The following CRACD variants were observed in gnomAD, a reference collection of about 807,000 sequenced individuals.
CRACD encodes capping protein inhibiting regulator of actin dynamics.
CRACD carries 56 observed loss-of-function variants against 106.8 expected under a neutral mutation model. The ratio of observed to expected loss-of-function variants is 0.52; its 90% CI spans 0.42 to 0.66. CRACD has a LOEUF of 0.66. CRACD is among the 30% of genes least tolerant of loss of function. The probability of loss-of-function intolerance (pLI) is 0.00; values close to 1 mark genes in which losing one functional copy is unlikely to be tolerated. For missense variants in CRACD, 1,730 were observed against 1,623.2 expected (o/e 1.07, Z -1.13); for synonymous variants, 754 against 670.8 (o/e 1.12, Z -1.92).
At chr4:56,118,428 A>T (rs1175244222) in intron 1 of CRACD, among the ~76,000 whole-genome samples, 5 of 152,230 alleles carry the variant, frequency 3.3e-5, no homozygotes, top group Non-Finnish European at 7.3e-5. Context: ...GAAGGAACAG[A>T]CTGACATACT....
intron 10 of CRACD, among the ~76,000 whole-genome samples, chr4:56,324,831 C>A (rs537701421): frequency 1.3e-5 from 2 of 152,242 alleles, no homozygotes; most frequent in Admixed American, 1.3e-4. Flanking sequence ...GAGATAATAT[C>A]AAGACTGAGC....
chr4:56,243,330 G>C (rs868286238), intron 2 of CRACD, among the ~76,000 whole-genome samples: 5 of 152,304 alleles, frequency 3.3e-5, no homozygotes, highest in Middle Eastern at 3.4e-3. Context: ...CAAAGATCAA[G>C]GCCTTAGGGG....
Position 56,330,434 on chromosome 4 carries a change from CA to C in CRACD, c.*2631del, listed in dbSNP as rs1250609119. Among the ~76,000 whole-genome samples the C allele has an allele frequency of 1.3e-5, 2 of 151,996 alleles. No homozygotes were observed. Among genetic ancestry groups the C allele is most frequent in the Non-Finnish European group, 2.9e-5 (2 of 67,988 alleles). ...TTTAGTTTAATTGCTTATTTTAAAG[CA>C]GAAACATTAGTTACAAGTGTCTTAC... On this transcript the variant is annotated 3_prime_UTR_variant, in exon 11 of 11. Coordinates refer to ENST00000682029, the MANE Select transcript of CRACD (RefSeq NM_001393381.1).
intron 1 of CRACD, among the ~76,000 whole-genome samples, chr4:56,139,594 G>C (rs565666339): frequency 1.3e-5 from 2 of 152,204 alleles, no homozygotes; most frequent in Non-Finnish European, 2.9e-5. Context: ...TTGTGTCATG[G>C]CATCTGAATC....
At chr4:56,130,636 G>T (rs1734794406) in intron 1 of CRACD, among the ~76,000 whole-genome samples, 1 of 152,076 alleles carries the variant, frequency 6.6e-6, no homozygotes, top group African/African-American at 2.4e-5. Context: ...AAAAGGCTTT[G>T]CATTCCAGCT....
At chr4:56,133,218 G>A (rs1397149946) in intron 1 of CRACD, among the ~76,000 whole-genome samples, 1 of 152,202 alleles carries the variant, frequency 6.6e-6, no homozygotes, top group East Asian at 1.9e-4. Context: ...GATGCAAATT[G>A]TGTTTTATTT....
chr4:56,283,699 C>T (rs1263492717), intron 3 of CRACD, among the ~76,000 whole-genome samples: 1 of 152,182 alleles, frequency 6.6e-6, no homozygotes, highest in Non-Finnish European at 1.5e-5. Flanking sequence ...CTCTAGAGCT[C>T]TCCTACCTAA....
intron 2 of CRACD, among the ~76,000 whole-genome samples, chr4:56,257,865 A>G (rs1012974027): frequency 6.6e-6 from 1 of 151,992 alleles, no homozygotes; most frequent in African/African-American, 2.4e-5. Flanking sequence ...AGGTCAAGAG[A>G]TTGAGACCAT....
At chr4:56,222,596 A>AT (rs960303483) in intron 2 of CRACD, among the ~76,000 whole-genome samples, 2 of 152,216 alleles carry the variant, frequency 1.3e-5, no homozygotes, top group African/African-American at 4.8e-5. Context: ...AATTCACTTT[A>AT]TGCCTTTTTT....
intron 1 of CRACD, among the ~76,000 whole-genome samples, chr4:56,085,339 C>G (rs530631003): frequency 1.3e-5 from 2 of 152,184 alleles, no homozygotes; most frequent in South Asian, 4.2e-4. Context: ...TAAGGAAGAC[C>G]TAAAGTCTCC....
chr4:56,157,222 C>A (rs1217712757), intron 1 of CRACD, among the ~76,000 whole-genome samples: 1 of 152,158 alleles, frequency 6.6e-6, no homozygotes, highest in African/African-American at 2.4e-5. Flanking sequence ...AATCCCAGCA[C>A]TTTGGGAGGC....
intron 1 of CRACD, among the ~76,000 whole-genome samples, chr4:56,133,534 A>G (rs983592972): frequency 1.3e-5 from 2 of 152,230 alleles, no homozygotes; most frequent in African/African-American, 4.8e-5. Flanking sequence ...ACTCAGTTCA[A>G]CAATATTTAC....
intron 2 of CRACD, among the ~76,000 whole-genome samples, chr4:56,199,646 C>T (rs1484562880): frequency 2.1e-5 from 3 of 142,018 alleles, no homozygotes; most frequent in African/African-American, 7.9e-5. Context: ...GGTGCCACTG[C>T]ACTCCAGCCT....
At chr4:56,201,217 A>T (rs1472585827) in intron 2 of CRACD, among the ~76,000 whole-genome samples, 1 of 152,218 alleles carries the variant, frequency 6.6e-6, no homozygotes. Context: ...TGTACACATG[A>T]AAATATTAAA....
At chr4:56,051,508 G>A (rs755650458) in intron 1 of CRACD, among the ~76,000 whole-genome samples, 5 of 152,180 alleles carry the variant, frequency 3.3e-5, no homozygotes, top group Non-Finnish European at 7.3e-5. Context: ...GGCCTGTGGG[G>A]AGGCAGGGCA....
chr4:56,288,354 A>G, intron 3 of CRACD: 1 of 268,690 alleles, frequency 3.7e-6, no homozygotes, highest in East Asian at 9.5e-5. Context: ...ATAGTGACGA[A>G]AGTACCCAAT....
chr4:56,061,643 A>G (rs1732281687), intron 1 of CRACD, among the ~76,000 whole-genome samples: 1 of 152,124 alleles, frequency 6.6e-6, no homozygotes, highest in Non-Finnish European at 1.5e-5. Flanking sequence ...GAGAGAGACA[A>G]TAAACAGTGG....
intron 3 of CRACD, among the ~76,000 whole-genome samples, chr4:56,284,738 A>AAC (rs1441700997): frequency 4.7e-5 from 1 of 21,424 alleles, no homozygotes; most frequent in African/African-American, 1.7e-4. Flanking sequence ...AACAAAAAAC[A>AAC]AAAAAAAAGA....
At chr4:56,325,271 G>T (rs1577921695) in intron 10 of CRACD, among the ~76,000 whole-genome samples, 1 of 152,212 alleles carries the variant, frequency 6.6e-6, no homozygotes, top group African/African-American at 2.4e-5. Context: ...GGAAGTGGAG[G>T]TTGCAGTGAG....
Sources: gnomAD v4.1 joint callset for allele counts (sites outside exome capture counted in the v4.1 genomes callset) on GRCh38, gnomAD v4.1.1 for gene constraint, MANE v1.5 for transcripts, NCBI Gene and HGNC (gene_info 2026-07-23, HGNC 2026-07-21) for gene names.